Variants in UTRN observed in about 807,000 individuals in gnomAD.
UTRN encodes the protein utrophin.
UTRN carries 283 observed loss-of-function variants against 463.9 expected under a neutral mutation model. The ratio of observed to expected loss-of-function variants is 0.61; its 90% CI spans 0.55 to 0.67. The LOEUF is 0.67. Among genes scored for constraint, UTRN ranks in the 30% least tolerant of loss-of-function variants. The pLI is 0.00. For synonymous variants in UTRN, 1,442 were observed against 1,431.5 expected (o/e 1.01, Z -0.17); for missense variants, 3,922 against 4,084.3 (o/e 0.96, Z 1.08).
intron 2 of UTRN, among the ~76,000 whole-genome samples, chr6:144,393,353 T>A (rs905200184): frequency 6.6e-6 from 1 of 152,256 alleles, no homozygotes; most frequent in East Asian, 1.9e-4. Flanking sequence ...AAAATGTGCA[T>A]GGAAATTCTT....
At chr6:144,528,576 G>A (rs1350101876) in intron 41 of UTRN, among the ~76,000 whole-genome samples, 4 of 152,204 alleles carry the variant, frequency 2.6e-5, no homozygotes, top group African/African-American at 9.6e-5. Context: ...TCTGAAGCTA[G>A]CCATCCAGCA....
At chr6:144,780,249 A>G (rs753048661) in intron 60 of UTRN, among the ~76,000 whole-genome samples, 5 of 152,164 alleles carry the variant, frequency 3.3e-5, no homozygotes, top group African/African-American at 4.8e-5. Flanking sequence ...AGTTGGTTTT[A>G]TATGTATATA....
At chr6:144,659,754 G>C (rs1779669663) in intron 51 of UTRN, 1 of 152,706 alleles carries the variant, frequency 6.5e-6, no homozygotes, top group Non-Finnish European at 1.5e-5. Flanking sequence ...CTGAATGGAG[G>C]AAGTTGGTAA....
intron 51 of UTRN, among the ~76,000 whole-genome samples, chr6:144,626,247 C>T (rs1258991066): frequency 1.3e-5 from 2 of 152,164 alleles, no homozygotes; most frequent in African/African-American, 4.8e-5. Flanking sequence ...ATTATTTCAA[C>T]AAACATCTGA....
intron 35 of UTRN, 131 bp from the exon 36 acceptor site, chr6:144,513,778 G>T: frequency 1.0e-6 from 1 of 961,272 alleles, no homozygotes; most frequent in East Asian, 2.7e-5. Context: ...GAAGAGCTCT[G>T]CAGGAAGGTG....
At position 144,774,450 on chromosome 6, in the gene UTRN, A is replaced by C. The variant is rs189099438; in HGVS notation, c.8632+86A>C. On this transcript the variant is annotated intron_variant, in intron 60 of 74. Transcript: ENST00000367545. ...AGAGGAAGATAAATGAAGAGGATGG[A>C]GTGTTTGCCAAGTTAATCTGGTCTT... 3 of 1,239,732 alleles carry C rather than the reference A, an allele frequency of 2.4e-6. No homozygotes were observed. In the African/African-American group the frequency reaches 4.6e-5, roughly 19 times the overall value. The allele number at this position is 1,239,732 out of a possible 1,614,324, so 76.8% of individuals were successfully genotyped here. A position where few individuals can be genotyped will look rare whatever the true frequency, so the allele number is the denominator to read the frequency against.
intron 57 of UTRN, among the ~76,000 whole-genome samples, chr6:144,757,252 A>G (rs1562869616): frequency 6.6e-6 from 1 of 151,228 alleles, no homozygotes; most frequent in Non-Finnish European, 1.5e-5. Context: ...AAAAAAAAAA[A>G]AAAGTACCTC....
chr6:144,411,998 T>C (rs1237816996), intron 3 of UTRN, among the ~76,000 whole-genome samples: 2 of 152,212 alleles, frequency 1.3e-5, no homozygotes, highest in Admixed American at 1.3e-4. Context: ...ATTATTGCAG[T>C]GCCCTCATTT....
intron 30 of UTRN, 45 bp from the exon 31 acceptor site, chr6:144,490,026 G>GT (rs1792901515): frequency 2.5e-6 from 4 of 1,572,818 alleles, no homozygotes; most frequent in Non-Finnish European, 3.4e-6. Context: ...TTATACTTAA[G>GT]TAAAAAAAAA....
chr6:144,417,473 A>G (rs905005271), intron 3 of UTRN, among the ~76,000 whole-genome samples: 1 of 152,304 alleles, frequency 6.6e-6, no homozygotes, highest in Non-Finnish European at 1.5e-5. Context: ...AAGGAAATAA[A>G]TAATACATCT....
At chr6:144,446,803 G>T (rs1383508345) in intron 14 of UTRN, among the ~76,000 whole-genome samples, 2 of 152,328 alleles carry the variant, frequency 1.3e-5, no homozygotes, top group East Asian at 3.9e-4. Context: ...AGTGATCTGG[G>T]ACATGTAACT....
At chr6:144,836,668 C>A in intron 71 of UTRN, 127 bp downstream of exon 71, 1 of 1,389,604 alleles carries the variant, frequency 7.2e-7, no homozygotes, top group Non-Finnish European at 9.6e-7. Context: ...GTAGTTAATT[C>A]AGACTGGCTT....
intron 51 of UTRN, among the ~76,000 whole-genome samples, chr6:144,672,283 G>T (rs913602429): frequency 1.3e-5 from 2 of 151,140 alleles, no homozygotes; most frequent in African/African-American, 2.4e-5. Context: ...AATCCATCTG[G>T]TGTGGACTTT....
chr6:144,813,378 G>A (rs1258414926), intron 65 of UTRN, among the ~76,000 whole-genome samples: 1 of 151,738 alleles, frequency 6.6e-6, no homozygotes, highest in Non-Finnish European at 1.5e-5. Flanking sequence ...TAGTAGAGAC[G>A]GGGTTTCACC....
At position 144,462,809 on chromosome 6, in the gene UTRN, G is replaced by A; in HGVS notation, c.3009G>A (p.Leu1003=). 1 of 1,609,618 alleles carries A rather than the reference G, an allele frequency of 6.2e-7. No homozygotes were observed. The highest frequency in any genetic ancestry group is 8.5e-7 in the Non-Finnish European group (1 of 1,179,070). The stretch of plus-strand genomic sequence containing the variant: ...GAAAGTGGAACAAGCTAAAGGTCTT[G>A]GTTTCCAAAGATCTACATTTGCTTG... ...VQGKWNKLKV[L]VSKDLHLLEE... Residue 1003 remains leucine (L), a synonymous_variant, in exon 23 of 75, where the codon TTG becomes TTA. Transcript: ENST00000367545.
intron 72 of UTRN, among the ~76,000 whole-genome samples, chr6:144,839,966 A>C (rs1191611290): frequency 6.6e-6 from 1 of 152,194 alleles, no homozygotes; most frequent in Non-Finnish European, 1.5e-5. Context: ...AGCTGGATGC[A>C]GTGGCTCCCG....
In UTRN at chr6:144,776,380, A is replaced by T. The variant is rs1431589927; in HGVS notation, c.8632+2016A>T. Among the ~76,000 whole-genome samples, 3 of 152,118 alleles carry T rather than the reference A, an allele frequency of 2.0e-5. No individual in the cohort carries two copies. The East Asian group carries it at 5.8e-4, about 29-fold the overall frequency. ...ATGTTTGGTGGATTGCCCCATCTCC[A>T]CTGTGAACTACTTTAGGTCATGGCT... On this transcript the variant is annotated intron_variant, in intron 60 of 74. Coordinates refer to ENST00000367545, the MANE Select transcript of UTRN (RefSeq NM_007124.3).
intron 41 of UTRN, among the ~76,000 whole-genome samples, chr6:144,529,004 A>G (rs1300839598): frequency 6.6e-6 from 1 of 152,166 alleles, no homozygotes; most frequent in Non-Finnish European, 1.5e-5. Flanking sequence ...TGTGGTTCCC[A>G]GGCCAGTGGA....
rs570427697 is a variant in UTRN at position 144,375,038 on chromosome 6, C to T, written c.80-28085C>T. On this transcript the variant is annotated intron_variant, in intron 2 of 74. Transcript: ENST00000367545. ...TGAACTATCCTTTCCATGTTTTCTC[C>T]CATAGTTAAACAAGGAGTTTTTACT... Among the ~76,000 whole-genome samples the T allele has an allele frequency of 1.3e-3, 190 of 151,168 alleles. 6 individuals carry two copies. The South Asian group carries it at 0.02, about 16-fold the overall frequency.
Sources: allele counts gnomAD v4.1 joint callset (sites outside exome capture counted in the v4.1 genomes callset), GRCh38; gene constraint gnomAD v4.1.1; transcripts MANE v1.5; gene names NCBI Gene and HGNC (gene_info 2026-07-23, HGNC 2026-07-21).